The following RNF208 variants were observed in gnomAD, a reference collection of about 807,000 sequenced individuals.
The protein encoded by RNF208 is ring finger protein 208.
Under a neutral mutation model 15.2 loss-of-function variants are expected in RNF208, and 7 were observed. The ratio of observed to expected loss-of-function variants is 0.46; its 90% CI spans 0.26 to 0.86. The LOEUF (loss-of-function observed/expected upper bound fraction) is 0.86. Among genes scored for constraint, RNF208 ranks in the 40% least tolerant of loss-of-function variants. The pLI is 0.16. For missense variants in RNF208, 342 were observed against 364.1 expected, an observed-to-expected ratio of 0.94 and a Z score of 0.49; for synonymous variants, 211 against 163.2, an observed-to-expected ratio of 1.29 and a Z score of -2.23.
At position 137,220,846 on chromosome 9, in the gene RNF208, T is replaced by C; in HGVS notation, c.367A>G (p.Ile123Val). The change falls in exon 2 of 2, where the codon ATT becomes GTT. Residue 123 changes from isoleucine (I) to valine (V), a missense_variant. Around this residue, in one of 3 missense-constraint regions of RNF208, gnomAD observed 207 missense variants for 193.7 expected, o/e 1.07. Transcript: ENST00000391553. ...EDEVIVNQYV[I>V]RPGPSASAAS... Reference sequence around the variant, plus strand: ...GCCGAGGCCGAGGGGCCAGGCCGAATCACGTACTGATTCACAATGACCTCA... The same window carrying C: ...GCCGAGGCCGAGGGGCCAGGCCGAACCACGTACTGATTCACAATGACCTCA... The C allele has an allele frequency of 6.2e-7, 1 of 1,603,516 alleles. No individual in the cohort carries two copies. The highest frequency in any genetic ancestry group is 1.1e-5 in the South Asian group (1 of 90,572).
At position 137,221,173 on chromosome 9, in the gene RNF208, G is replaced by T; in HGVS notation, c.40C>A (p.Pro14Thr). 6.6e-7 allele frequency: 1 copy of T among 1,504,908 alleles called. No individual in the cohort carries two copies. 93.2% of individuals were successfully genotyped at this position (1,504,908 alleles called of 1,614,324 possible). The change falls in exon 2 of 2, where the codon CCG becomes ACG. Residue 14 changes from proline to threonine, a missense_variant. Physicochemically the swap from Pro to Thr is conservative, Grantham distance 38 (BLOSUM62 -1). Transcript: ENST00000391553. ...TTCAGGCAGGACATGAGGAGGCCCG[G>T]CCAGCCACTGCCCGCCTCGGGCCCG... is the stretch of plus-strand genomic sequence containing the variant. ...DPGPEAGSGW[P>T]GLLMSCLKGP...
Position 137,220,432 on chromosome 9 carries a change from T to C in RNF208, c.781A>G (p.Met261Val). The C allele has an allele frequency of 6.3e-7, 1 of 1,581,042 alleles. No individual in the cohort carries two copies. Among genetic ancestry groups the C allele is most frequent in the Non-Finnish European group, 8.6e-7 (1 of 1,162,150 alleles). Residue 261 changes from methionine (M) to valine (V), a missense_variant, in exon 2 of 2, where the codon ATG (methionine) becomes GTG (valine). Coordinates refer to ENST00000391553, the MANE Select transcript of RNF208 (RefSeq NM_031297.7). The stretch of plus-strand genomic sequence containing the variant: ...TGGCGGGCAGGCAGGCGCTACTACA[T>C]GATGGAGCAGGCGGACAGTGGGTTC... ...VRNPLSACSI[M>V]
upstream of RNF208, among the ~76,000 whole-genome samples, chr9:137,223,186 C>A (rs1222826314): frequency 1.3e-5 from 2 of 152,250 alleles, no homozygotes; most frequent in African/African-American, 4.8e-5. Context: ...CAGCCCTGCG[C>A]ATAGGGTCTG....
In RNF208 at chr9:137,220,391, G is replaced by T; in HGVS notation, c.*36C>A. On this transcript the variant is annotated 3_prime_UTR_variant, in exon 2 of 2. Transcript: ENST00000391553. The stretch of plus-strand genomic sequence containing the variant: ...CCGGGTCCCTGAAGAAGCAGCGAGC[G>T]AGGCTCAGCGGGCAGTGGCGGGCAG... 1 of 1,524,972 alleles carries T rather than the reference G, an allele frequency of 6.6e-7. No homozygotes were observed. The highest frequency in any genetic ancestry group is 1.3e-5 in the South Asian group (1 of 78,748). 94.5% of individuals were successfully genotyped at this position (1,524,972 alleles called of 1,614,324 possible). A position where few individuals can be genotyped will look rare whatever the true frequency, so the allele number is the denominator to read the frequency against.
At chr9:137,222,901 C>T (rs1430584877), upstream of RNF208, among the ~76,000 whole-genome samples, 1 of 152,190 alleles carries the variant, frequency 6.6e-6, no homozygotes, top group Non-Finnish European at 1.5e-5. Flanking sequence ...GCTTCCCTGC[C>T]CTCCTGGGTC....
Position 137,220,693 on chromosome 9 carries a change from G to A in RNF208, c.520C>T (p.Leu174Phe). The change falls in exon 2 of 2, where the codon CTC becomes TTC. Residue 174 changes from leucine to phenylalanine, a missense_variant. Coordinates refer to ENST00000391553, the MANE Select transcript of RNF208 (RefSeq NM_031297.7). ...TTGTACTTGGGGCAGGACTCGTAGAGAATCTGCAGGCACTGCTCACACACA... is the reference window on the plus strand; with the variant it reads ...TTGTACTTGGGGCAGGACTCGTAGAAAATCTGCAGGCACTGCTCACACACA... Reference protein sequence around the residue: ...HSVCEQCLQILYESCPKYKFI... With the variant: ...HSVCEQCLQIFYESCPKYKFI... The A allele has an allele frequency of 1.2e-6, 2 of 1,612,596 alleles. No individual in the cohort carries two copies. The highest frequency in any genetic ancestry group is 1.7e-6 in the Non-Finnish European group (2 of 1,179,928).
In RNF208 at chr9:137,220,662, ATGAACT is replaced by A. The variant is rs749366259; in HGVS notation, c.545_550del (p.Lys182_Phe183del). 6.2e-7 allele frequency: 1 copy of A among 1,612,532 alleles called. No individual in the cohort carries two copies. The highest frequency in any genetic ancestry group is 8.5e-7 in the Non-Finnish European group (1 of 1,179,918). On this transcript the variant is annotated inframe_deletion, in exon 2 of 2. Coordinates refer to ENST00000391553, the MANE Select transcript of RNF208 (RefSeq NM_031297.7). ...CTCACGGCGGCAGGTGGGGCAGGAG[ATGAACT>A]TGTACTTGGGGCAGGACTCGTAGAG...
At chr9:137,222,769 C>T (rs971711004), upstream of RNF208, among the ~76,000 whole-genome samples, 1 of 152,238 alleles carries the variant, frequency 6.6e-6, no homozygotes, top group East Asian at 1.9e-4. Context: ...TGGGAGTGCG[C>T]GAAGGACAGG....
In RNF208 at chr9:137,221,139, TGGG is replaced by T; in HGVS notation, c.71_73del (p.Pro24del). The T allele has an allele frequency of 1.3e-6, 2 of 1,590,776 alleles. No homozygotes were observed. Among genetic ancestry groups the T allele is most frequent in the Non-Finnish European group, 1.7e-6 (2 of 1,167,698 alleles). Reference sequence around the variant, plus strand: ...CATGGCCTCCATCTTGAGGATGACATGGGGACCCTTCAGGCAGGACATGAGGAG... The same window carrying T: ...CATGGCCTCCATCTTGAGGATGACATGACCCTTCAGGCAGGACATGAGGAG... On this transcript the variant is annotated inframe_deletion, in exon 2 of 2. Coordinates refer to ENST00000391553, the MANE Select transcript of RNF208 (RefSeq NM_031297.7).
rs774706066 is a variant in RNF208, at chr9:137,221,187, G to A, written c.26C>T (p.Ala9Val). The A allele has an allele frequency of 4.0e-6, 6 of 1,515,460 alleles. No individual in the cohort carries two copies. Among genetic ancestry groups the A allele is most frequent in the South Asian group, 2.5e-5 (2 of 79,340 alleles). The allele number at this position is 1,515,460 out of a possible 1,614,324, so 93.9% of individuals were successfully genotyped here. Residue 9 changes from alanine to valine, a missense_variant, in exon 2 of 2, where the codon GCG becomes GTG. Around this residue, in one of 3 missense-constraint regions of RNF208, gnomAD observed 207 missense variants for 193.7 expected, o/e 1.07. Coordinates refer to ENST00000391553, the MANE Select transcript of RNF208 (RefSeq NM_031297.7). MPSDPGPE[A>V]GSGWPGLLMS... is the part of the protein sequence containing the mutation. ...GAGGAGGCCCGGCCAGCCACTGCCC[G>A]CCTCGGGCCCGGGGTCAGAGGGCAT...
At chr9:137,223,018 T>C (rs1412992041), upstream of RNF208, among the ~76,000 whole-genome samples, 2 of 152,102 alleles carry the variant, frequency 1.3e-5, no homozygotes, top group African/African-American at 2.4e-5. Flanking sequence ...GCCCCGCACC[T>C]GGCCCTGGAC....
rs1378723612 is a variant in RNF208, at chr9:137,220,384, A to G, written c.*43T>C. On this transcript the variant is annotated 3_prime_UTR_variant, in exon 2 of 2. Transcript: ENST00000391553. ...GGCAGGGCCGGGTCCCTGAAGAAGC[A>G]GCGAGCGAGGCTCAGCGGGCAGTGG... The G allele has an allele frequency of 6.6e-7, 1 of 1,510,108 alleles. No homozygotes were observed. Among genetic ancestry groups the G allele is most frequent in the Non-Finnish European group, 8.9e-7 (1 of 1,127,602 alleles). The allele number at this position is 1,510,108 out of a possible 1,614,324, so 93.5% of individuals were successfully genotyped here.
In RNF208 at chr9:137,221,374, C is replaced by A; in HGVS notation, c.-162G>T. The A allele has an allele frequency of 2.4e-6, 1 of 411,440 alleles. No homozygotes were observed. The highest frequency in any genetic ancestry group is 4.3e-6 in the Non-Finnish European group (1 of 234,392). The allele number at this position is 411,440 out of a possible 1,614,324, so 25.5% of individuals were successfully genotyped here. A position where few individuals can be genotyped will look rare whatever the true frequency, so the allele number is the denominator to read the frequency against. On this transcript the variant is annotated 5_prime_UTR_variant, in exon 2 of 2. Coordinates refer to ENST00000391553, the MANE Select transcript of RNF208 (RefSeq NM_031297.7). ...GCCGGCGAGAGTTGGGGGTGCAGGG[C>A]CCCCCCCAGTGGCCACAGTGGCTTC...
upstream of RNF208, among the ~76,000 whole-genome samples, chr9:137,223,152 CG>C (rs1408983811): frequency 6.6e-6 from 1 of 152,248 alleles, no homozygotes; most frequent in Non-Finnish European, 1.5e-5. Flanking sequence ...CGGGAGCTCG[CG>C]TGGGCAAAAC....
rs1835848333 is a variant in RNF208, at chr9:137,220,751, C to A, written c.462G>T (p.Gln154His). ...PTCGHSYNVT[Q>H]RRPRVLSCLH... is the part of the protein sequence containing the mutation. Reference sequence around the variant, plus strand: ...GGCAGGACAGCACGCGGGGCCTCCGCTGGGTGACATTGTAGGAGTGCCCAC... The same window carrying A: ...GGCAGGACAGCACGCGGGGCCTCCGATGGGTGACATTGTAGGAGTGCCCAC... Residue 154 changes from glutamine to histidine, a missense_variant, in exon 2 of 2, where the codon CAG becomes CAT. Gln to His is a conservative substitution (Grantham distance 24). This residue lies in a region of RNF208 where 76 missense variants were observed against 118.0 expected (regional missense o/e 0.64). Coordinates refer to ENST00000391553, the MANE Select transcript of RNF208 (RefSeq NM_031297.7). 6 of 1,612,300 alleles carry A rather than the reference C, an allele frequency of 3.7e-6. No homozygotes were observed. Among genetic ancestry groups the A allele is most frequent in the Non-Finnish European group, 5.1e-6 (6 of 1,179,836 alleles).
chr9:137,220,366 C>T lies in RNF208; in HGVS notation c.*61G>A, dbSNP rs1431621935. Reference sequence around the variant, plus strand: ...AGGGTCAGCGGGCGGCAGGGCAGGGCCGGGTCCCTGAAGAAGCAGCGAGCG... The same window carrying T: ...AGGGTCAGCGGGCGGCAGGGCAGGGTCGGGTCCCTGAAGAAGCAGCGAGCG... On this transcript the variant is annotated 3_prime_UTR_variant, in exon 2 of 2. Transcript: ENST00000391553. 34 of 1,470,866 alleles carry T rather than the reference C, an allele frequency of 2.3e-5. No individual in the cohort carries two copies. Among genetic ancestry groups the T allele is most frequent in the East Asian group, 4.8e-5 (2 of 41,758 alleles). 91.1% of individuals were successfully genotyped at this position (1,470,866 alleles called of 1,614,324 possible). A position where few individuals can be genotyped will look rare whatever the true frequency, so the allele number is the denominator to read the frequency against.
upstream of RNF208, among the ~76,000 whole-genome samples, chr9:137,222,445 G>A (rs996352307): frequency 6.6e-6 from 1 of 152,084 alleles, no homozygotes; most frequent in African/African-American, 2.4e-5. Flanking sequence ...GGCTGATCCT[G>A]GGTCCTGGTC....
Position 137,221,406 on chromosome 9 carries a change from C to G in RNF208, c.-194G>C, listed in dbSNP as rs1835869384. 5.9e-6 allele frequency: 1 copy of G among 170,238 alleles called. No individual in the cohort carries two copies. Among genetic ancestry groups the G allele is most frequent in the South Asian group, 1.5e-4 (1 of 6,798 alleles). 10.5% of individuals were successfully genotyped at this position (170,238 alleles called of 1,614,324 possible). On this transcript the variant is annotated 5_prime_UTR_variant, in exon 2 of 2. Coordinates refer to ENST00000391553, the MANE Select transcript of RNF208 (RefSeq NM_031297.7). ...CAGTGGCCACAGTGGCTTCTCTGGT[C>G]CAGTCCTGGGAGGAGGAGGAAGGGG...
intron 1 of RNF208, among the ~76,000 whole-genome samples, 69 bp downstream of exon 1, chr9:137,221,920 C>T (rs1427801766): frequency 2.0e-5 from 3 of 152,058 alleles, no homozygotes; most frequent in Non-Finnish European, 2.9e-5. Flanking sequence ...CGCACCTTCC[C>T]GAGGGCCGAC....
Sources: allele counts gnomAD v4.1 joint callset (sites outside exome capture counted in the v4.1 genomes callset), GRCh38; gene constraint gnomAD v4.1.1; regional missense constraint gnomAD v4.1.1; transcripts MANE v1.5; gene names NCBI Gene and HGNC (gene_info 2026-07-23, HGNC 2026-07-21).